The following GPC6 variants were observed in gnomAD, a reference collection of about 807,000 sequenced individuals.
The protein encoded by GPC6 is glypican 6.
In GPC6, 14 loss-of-function variants were observed where a neutral mutation model predicts 55.2. The observed-to-expected ratio is 0.25, with a 90% CI of 0.17 to 0.40. GPC6 has a LOEUF of 0.40. GPC6 is among the 10% of genes least tolerant of loss of function. GPC6 has a pLI of 1.00. For missense variants in GPC6, 641 were observed against 708.5 expected, an observed-to-expected ratio of 0.90 and a Z score of 1.08; for synonymous variants, 278 against 259.6, an observed-to-expected ratio of 1.07 and a Z score of -0.68.
intron 2 of GPC6, among the ~76,000 whole-genome samples, chr13:93,666,847 A>G (rs531514187): frequency 2.0e-5 from 3 of 152,216 alleles, no homozygotes; most frequent in African/African-American, 7.2e-5. Flanking sequence ...ATTATGGTTT[A>G]TGCTGTCTGC....
chr13:93,684,342 C>T (rs949378350), intron 2 of GPC6, among the ~76,000 whole-genome samples: 8 of 152,004 alleles, frequency 5.3e-5, no homozygotes, highest in African/African-American at 1.2e-4. Flanking sequence ...CCCACCACTA[C>T]GCCCGGCTAA....
chr13:93,848,026 T>C (rs1358369286), intron 3 of GPC6, among the ~76,000 whole-genome samples: 14 of 152,242 alleles, frequency 9.2e-5, no homozygotes, highest in Non-Finnish European at 1.2e-4. Context: ...GGTCTAGCAG[T>C]TTTTTGAACA....
At chr13:94,185,625 G>T (rs1014325338) in intron 4 of GPC6, among the ~76,000 whole-genome samples, 2 of 151,866 alleles carry the variant, frequency 1.3e-5, no homozygotes, top group African/African-American at 4.8e-5. Flanking sequence ...TACCATCAAT[G>T]TAAAAAAAAG....
At chr13:93,730,814 C>T (rs1883795845) in intron 2 of GPC6, among the ~76,000 whole-genome samples, 1 of 152,140 alleles carries the variant, frequency 6.6e-6, no homozygotes. Context: ...GTCCTCAGAA[C>T]TTGAGAGTTT....
intron 3 of GPC6, among the ~76,000 whole-genome samples, chr13:94,020,343 T>C (rs1469663899): frequency 6.6e-6 from 1 of 152,214 alleles, no homozygotes; most frequent in Non-Finnish European, 1.5e-5. Context: ...GGTCAGAGAA[T>C]ATACTTTGTA....
intron 2 of GPC6, among the ~76,000 whole-genome samples, chr13:93,746,386 A>C (rs973728651): frequency 6.6e-6 from 1 of 152,178 alleles, no homozygotes; most frequent in Non-Finnish European, 1.5e-5. Flanking sequence ...GAAGAGTCCA[A>C]GACAACGCCA....
intron 2 of GPC6, among the ~76,000 whole-genome samples, chr13:93,645,862 C>T (rs947956418): frequency 2.0e-5 from 3 of 152,056 alleles, no homozygotes; most frequent in Non-Finnish European, 4.4e-5. Flanking sequence ...TTTATCATCA[C>T]GCTAAAGCAC....
intron 2 of GPC6, among the ~76,000 whole-genome samples, chr13:93,550,551 G>T (rs1342035810): frequency 6.6e-6 from 1 of 152,012 alleles, no homozygotes; most frequent in Non-Finnish European, 1.5e-5. Flanking sequence ...CCATTGAACT[G>T]GATGCAGAAA....
intron 1 of GPC6, among the ~76,000 whole-genome samples, chr13:93,477,042 G>A (rs920756810): frequency 6.6e-6 from 1 of 152,088 alleles, no homozygotes; most frequent in Admixed American, 6.6e-5. Context: ...AGAACCGCAT[G>A]TAGATATTCT....
chr13:93,899,679 G>C (rs1203675293), intron 3 of GPC6, among the ~76,000 whole-genome samples: 1 of 152,130 alleles, frequency 6.6e-6, no homozygotes, highest in Non-Finnish European at 1.5e-5. Context: ...TAAACGACAT[G>C]ATTGACAGAG....
At chr13:93,867,077 A>G (rs994605548) in intron 3 of GPC6, among the ~76,000 whole-genome samples, 6 of 151,594 alleles carry the variant, frequency 4.0e-5, no homozygotes, top group Non-Finnish European at 8.9e-5. Context: ...ACTGAAATGT[A>G]TATCTCAGTA....
intron 2 of GPC6, among the ~76,000 whole-genome samples, chr13:93,807,339 G>C (rs541589773): frequency 1.3e-5 from 2 of 152,280 alleles, no homozygotes; most frequent in South Asian, 4.1e-4. Flanking sequence ...GATCTCTTTT[G>C]GGTGTTAGAA....
intron 2 of GPC6, among the ~76,000 whole-genome samples, chr13:93,579,917 C>A (rs970284706): frequency 6.6e-6 from 1 of 151,962 alleles, no homozygotes; most frequent in Non-Finnish European, 1.5e-5. Flanking sequence ...AAGCTTTGCC[C>A]AAAAATACAC....
intron 2 of GPC6, among the ~76,000 whole-genome samples, chr13:93,751,148 C>CA (rs915745863): frequency 8.3e-6 from 1 of 120,668 alleles, no homozygotes; most frequent in Middle Eastern, 4.1e-3. Flanking sequence ...TTTCAAGTCC[C>CA]AAAAAAAGAA....
chr13:93,879,188 C>T (rs1874796603), intron 3 of GPC6, among the ~76,000 whole-genome samples: 1 of 152,114 alleles, frequency 6.6e-6, no homozygotes. Context: ...GCTCCATCAG[C>T]TCCTTTAAGC....
intron 4 of GPC6, among the ~76,000 whole-genome samples, chr13:94,088,457 G>A (rs1019575708): frequency 6.6e-6 from 1 of 151,808 alleles, no homozygotes; most frequent in Non-Finnish European, 1.5e-5. Context: ...GGGAGGCCAA[G>A]GCAGGAGGAT....
At chr13:94,025,476 G>C (rs1161420219) in intron 3 of GPC6, 1 of 149,794 alleles carries the variant, frequency 6.7e-6, no homozygotes, top group Non-Finnish European at 1.5e-5. Context: ...TTCTGAAACA[G>C]TGCTGCTCAG....
At chr13:93,524,527 T>G (rs1881572929) in intron 1 of GPC6, among the ~76,000 whole-genome samples, 1 of 152,060 alleles carries the variant, frequency 6.6e-6, no homozygotes, top group Non-Finnish European at 1.5e-5. Context: ...AAAGTTTACA[T>G]TGGTCCACCT....
chr13:93,439,307 T>C lies in GPC6; in HGVS notation c.161-105956T>C, dbSNP rs58887335. Among the ~76,000 whole-genome samples the C allele has an allele frequency of 3.9e-3, 598 of 152,132 alleles. 9 individuals carry two copies. The highest frequency in any genetic ancestry group is 0.014 in the African/African-American group (578 of 41,504). ...AATTGGAGCTCCCACAATTCCCACA[T>C]GTTGTGGGAGGGACCCAGTGGGAGG... On this transcript the variant is annotated intron_variant, in intron 1 of 8. Coordinates refer to ENST00000377047, the MANE Select transcript of GPC6 (RefSeq NM_005708.5).
Sources: gnomAD v4.1 joint callset for allele counts (sites outside exome capture counted in the v4.1 genomes callset) on GRCh38, gnomAD v4.1.1 for gene constraint, MANE v1.5 for transcripts, NCBI Gene and HGNC (gene_info 2026-07-23, HGNC 2026-07-21) for gene names.